Variants in KCNJ14 observed in about 807,000 individuals in gnomAD.
KCNJ14 encodes ATP-sensitive inward rectifier potassium channel 14.
In KCNJ14, 18 loss-of-function variants were observed where a neutral mutation model predicts 24.5. The observed-to-expected ratio is 0.74, with a 90% CI of 0.51 to 1.09. The LOEUF (loss-of-function observed/expected upper bound fraction) is 1.09. Among genes scored for constraint, KCNJ14 ranks in the 50% least tolerant of loss-of-function variants. The pLI, the probability that KCNJ14 is intolerant of heterozygous loss-of-function variation, is 0.00. For missense variants in KCNJ14, 633 were observed against 623.0 expected, an observed-to-expected ratio of 1.02 and a Z score of -0.17; for synonymous variants, 288 against 270.8, an observed-to-expected ratio of 1.06 and a Z score of -0.63.
At chr19:48,456,505 T>C (rs1971540803) in intron 1 of KCNJ14, 1 of 152,254 alleles carries the variant, frequency 6.6e-6, no homozygotes, top group Non-Finnish European at 1.5e-5. Flanking sequence ...ATGGCCAGGC[T>C]GCCTGCGTGG....
At chr19:48,456,304 G>A (rs1971539144) in intron 1 of KCNJ14, 1 of 152,330 alleles carries the variant, frequency 6.6e-6, no homozygotes, top group Non-Finnish European at 1.5e-5. Flanking sequence ...GCATCCTGAT[G>A]TTGACCTCCA....
Position 48,462,162 on chromosome 19 carries a change from G to T in KCNJ14, c.438G>T (p.Thr146=), listed in dbSNP as rs1204242895. 6.3e-7 allele frequency: 1 copy of T among 1,581,934 alleles called. No individual in the cohort carries two copies. Among genetic ancestry groups the T allele is most frequent in the East Asian group, 2.3e-5 (1 of 43,154 alleles). ...TCCTCTTCGCGCTGGAGACGCAGAC[G>T]TCCATCGGCTACGGCGTGCGCAGCG... ...AAFLFALETQ[T]SIGYGVRSVT... is the part of the protein sequence containing the mutation. The change falls in exon 2 of 3, where the codon ACG becomes ACT. Residue 146 remains threonine, a synonymous_variant. Coordinates refer to ENST00000342291, the MANE Select transcript of KCNJ14 (RefSeq NM_013348.4). The surrounding 1 kb of genome is among the most constrained non-coding windows in gnomAD (Gnocchi z 4.9).
chr19:48,461,420 C>T (rs2147493119), intron 1 of KCNJ14: 1 of 271,744 alleles, frequency 3.7e-6, no homozygotes, highest in Non-Finnish European at 6.7e-6. Context: ...CCCAGCTACT[C>T]AGGAGGTTGA....
chr19:48,457,528 G>A (rs1004543649), intron 1 of KCNJ14, among the ~76,000 whole-genome samples: 6 of 152,218 alleles, frequency 3.9e-5, no homozygotes, highest in Non-Finnish European at 8.8e-5. Context: ...GACTCAGAAA[G>A]AGTTGCCAAA....
chr19:48,464,543 G>A lies in KCNJ14; in HGVS notation c.1077G>A (p.Pro359=), dbSNP rs138120407. Reference sequence around the variant, plus strand: ...GCACTTATGAGGTCCCAGGGACACCGGTCTGCAGTGCTAAGGAGCTGGATG... The same window carrying A: ...GCACTTATGAGGTCCCAGGGACACCAGTCTGCAGTGCTAAGGAGCTGGATG... ...FHRTYEVPGT[P]VCSAKELDER... is the part of the protein sequence containing the mutation. The change falls in exon 3 of 3, where the codon CCG becomes CCA. Residue 359 remains proline (P), a synonymous_variant. Transcript: ENST00000342291. 150 of 1,614,010 alleles carry A rather than the reference G, an allele frequency of 9.3e-5. No homozygotes were observed. The highest frequency in any genetic ancestry group is 4.4e-4 in the African/African-American group (33 of 74,896).
Position 48,462,298 on chromosome 19 carries a change from A to C in KCNJ14, c.574A>C (p.Lys192Gln). 1 of 1,548,174 alleles carries C rather than the reference A, an allele frequency of 6.5e-7. No individual in the cohort carries two copies. The highest frequency in any genetic ancestry group is 8.7e-7 in the Non-Finnish European group (1 of 1,144,596). The change falls in exon 2 of 3, where the codon AAG (lysine) becomes CAG (glutamine). Residue 192 changes from lysine to glutamine, a missense_variant. Coordinates refer to ENST00000342291, the MANE Select transcript of KCNJ14 (RefSeq NM_013348.4). This position sits in a 1 kb window ranked among gnomAD's most constrained non-coding sequence, Gnocchi z 4.9. ...TGTCATGGCCAAGATGGCCAAACCC[A>C]AGAAGCGCAACGAGACGCTGGTCTT... ...GAVMAKMAKP[K>Q]KRNETLVFSE...
chr19:48,466,540 C>T lies in KCNJ14; in HGVS notation c.*1763C>T, dbSNP rs1971656208. ...CTTTTCAAGGACCCCAGAAGCTTTG[C>T]TCTAAATCCCAATGCTGCCCCAACT... On this transcript the variant is annotated 3_prime_UTR_variant, in exon 3 of 3. Transcript: ENST00000342291. 6.6e-6 allele frequency: 1 copy of T among 152,166 alleles called. No individual in the cohort carries two copies. The highest frequency in any genetic ancestry group is 2.4e-5 in the African/African-American group (1 of 41,430). The allele number at this position is 152,166 out of a possible 1,614,324, so 9.4% of individuals were successfully genotyped here. A position where few individuals can be genotyped will look rare whatever the true frequency, so the allele number is the denominator to read the frequency against.
intron 1 of KCNJ14, among the ~76,000 whole-genome samples, chr19:48,460,346 C>T (rs1032560341): frequency 5.3e-5 from 8 of 152,154 alleles, no homozygotes; most frequent in African/African-American, 1.2e-4. Flanking sequence ...CAGGTTCAAG[C>T]GATTCTCCTG....
intron 1 of KCNJ14, among the ~76,000 whole-genome samples, chr19:48,459,290 G>C (rs909234160): frequency 6.7e-6 from 1 of 149,828 alleles, no homozygotes; most frequent in African/African-American, 2.5e-5. Flanking sequence ...ATCTTTTCAT[G>C]ATTGAGTTGC....
rs1971631708 is a variant in KCNJ14, at chr19:48,464,260, G to C, written c.794G>C (p.Arg265Pro). Residue 265 changes from arginine to proline, a missense_variant, in exon 3 of 3, where the codon CGT becomes CCT. Transcript: ENST00000342291. Reference sequence around the variant, plus strand: ...GTGGGCTTTGATGGAGGCACCGATCGTATCTTCCTCGTGTCCCCCATCACC... The same window carrying C: ...GTGGGCTTTGATGGAGGCACCGATCCTATCTTCCTCGTGTCCCCCATCACC... ...VDVGFDGGTD[R>P]IFLVSPITIV... The C allele has an allele frequency of 1.2e-6, 2 of 1,614,006 alleles. No individual in the cohort carries two copies. The highest frequency in any genetic ancestry group is 1.7e-6 in the Non-Finnish European group (2 of 1,179,968).
Position 48,462,049 on chromosome 19 carries a change from T to C in KCNJ14, c.325T>C (p.Trp109Arg). ...CTGGCTGCTCTTCGGCCTGGCCTTC[T>C]GGCTCATTGCCTCGCTGCACGGCGA... ...ASWLLFGLAF[W>R]LIASLHGDLA... The change falls in exon 2 of 3, where the codon TGG (tryptophan) becomes CGG (arginine). Residue 109 changes from tryptophan (W) to arginine (R), a missense_variant. Transcript: ENST00000342291. This position sits in a 1 kb window ranked among gnomAD's most constrained non-coding sequence, Gnocchi z 4.9. The C allele has an allele frequency of 1.9e-6, 3 of 1,611,040 alleles. No homozygotes were observed. The highest frequency in any genetic ancestry group is 2.5e-6 in the Non-Finnish European group (3 of 1,179,620).
At position 48,464,722 on chromosome 19, in the gene KCNJ14, GGGCTGCT is replaced by G. The variant is rs754353829; in HGVS notation, c.1257_1263del (p.Ala421ProfsTer10). 2 of 1,611,822 alleles carry G rather than the reference GGGCTGCT, an allele frequency of 1.2e-6. No homozygotes were observed. The highest frequency in any genetic ancestry group is 3.3e-5 in the Admixed American group (2 of 60,018). ...GGGAATGGGGTGGAAACAGAAGATG[GGGCTGCT>G]AGCCCCCGAGTTCTCACACCAACCC... On this transcript the variant is annotated frameshift_variant, in exon 3 of 3. Transcript: ENST00000342291. LOFTEE classifies it high-confidence loss of function.
Position 48,465,536 on chromosome 19 carries a change from T to G in KCNJ14, c.*759T>G, listed in dbSNP as rs1971646674. ...ACTGAAGTGACAGATTAAGAGTTCT[T>G]GATATTAGATAACTCCAACTTCTGG... is the stretch of plus-strand genomic sequence containing the variant. On this transcript the variant is annotated 3_prime_UTR_variant, in exon 3 of 3. Coordinates refer to ENST00000342291, the MANE Select transcript of KCNJ14 (RefSeq NM_013348.4). The G allele has an allele frequency of 6.6e-6, 1 of 152,408 alleles. No homozygotes were observed. The highest frequency in any genetic ancestry group is 1.5e-5 in the Non-Finnish European group (1 of 68,026). 9.4% of individuals were successfully genotyped at this position (152,408 alleles called of 1,614,324 possible).
At position 48,461,785 on chromosome 19, in the gene KCNJ14, GC is replaced by G; in HGVS notation, c.62del (p.Ala21GlyfsTer44). On this transcript the variant is annotated frameshift_variant, in exon 2 of 3. Transcript: ENST00000342291. LOFTEE classifies it high-confidence loss of function. ...CGCCCTGGATTCGGGAGACAGCCGG[GC>G]GGGCGATGAAGAGGAGGCCGGGCCC... ...SGALDSGDSRAGDEEEAGPGL... is the reference protein window; with the variant it reads ...SGALDSGDSRXGDEEEAGPGL... 6.9e-7 allele frequency: 1 copy of G among 1,459,588 alleles called. No individual in the cohort carries two copies. Among genetic ancestry groups the G allele is most frequent in the Non-Finnish European group, 9.0e-7 (1 of 1,108,616 alleles). The allele number at this position is 1,459,588 out of a possible 1,614,324, so 90.4% of individuals were successfully genotyped here. A position where few individuals can be genotyped will look rare whatever the true frequency, so the allele number is the denominator to read the frequency against.
intron 1 of KCNJ14, among the ~76,000 whole-genome samples, chr19:48,459,905 T>G (rs1971576171): frequency 6.6e-6 from 1 of 151,762 alleles, no homozygotes; most frequent in South Asian, 2.1e-4. Flanking sequence ...GGCATGTGCC[T>G]GTAATCCTGG....
chr19:48,461,443 G>C (rs1461099544), intron 1 of KCNJ14: 2 of 303,584 alleles, frequency 6.6e-6, no homozygotes, highest in African/African-American at 2.2e-5. Context: ...CAGGAGAATC[G>C]CTTAAACTTG....
Position 48,462,508 on chromosome 19 carries a change from C to T in KCNJ14, c.714+70C>T. ...ATTGTGGGAGATGTAGGCCCGAGGG[C>T]GAGGGGCGTGCGGTCCTGGAGGGGG... On this transcript the variant is annotated intron_variant, in intron 2 of 2. Transcript: ENST00000342291. This position sits in a 1 kb window ranked among gnomAD's most constrained non-coding sequence, Gnocchi z 4.9. 1 of 1,233,728 alleles carries T rather than the reference C, an allele frequency of 8.1e-7. No individual in the cohort carries two copies. Among genetic ancestry groups the T allele is most frequent in the Non-Finnish European group, 1.1e-6 (1 of 915,520 alleles). The allele number at this position is 1,233,728 out of a possible 1,614,324, so 76.4% of individuals were successfully genotyped here. A position where few individuals can be genotyped will look rare whatever the true frequency, so the allele number is the denominator to read the frequency against.
chr19:48,463,305 C>T lies in KCNJ14; in HGVS notation c.714+867C>T, dbSNP rs560551734. ...GGGTGGTGGGAGCTGCAACTCCCAG[C>T]CGCCTCTGGGGTTCCTCTACTTGGG... is the stretch of plus-strand genomic sequence containing the variant. On this transcript the variant is annotated intron_variant, in intron 2 of 2. Coordinates refer to ENST00000342291, the MANE Select transcript of KCNJ14 (RefSeq NM_013348.4). Among the ~76,000 whole-genome samples, 103 of 152,268 alleles carry T rather than the reference C, an allele frequency of 6.8e-4. 1 individual carries two copies. Among genetic ancestry groups the T allele is most frequent in the Non-Finnish European group, 1.1e-3 (72 of 68,014 alleles).
chr19:48,464,935 C>G lies in KCNJ14; in HGVS notation c.*158C>G. 1 of 629,854 alleles carries G rather than the reference C, an allele frequency of 1.6e-6. No individual in the cohort carries two copies. Among genetic ancestry groups the G allele is most frequent in the Non-Finnish European group, 2.8e-6 (1 of 357,474 alleles). The allele number at this position is 629,854 out of a possible 1,614,324, so 39.0% of individuals were successfully genotyped here. Reference sequence around the variant, plus strand: ...GTAAGGTTCTGCCATGCCTGGTGACCCACCATGGACATACTGGACCTTAAT... The same window carrying G: ...GTAAGGTTCTGCCATGCCTGGTGACGCACCATGGACATACTGGACCTTAAT... On this transcript the variant is annotated 3_prime_UTR_variant, in exon 3 of 3. Coordinates refer to ENST00000342291, the MANE Select transcript of KCNJ14 (RefSeq NM_013348.4).
Sources: allele counts gnomAD v4.1 joint callset (sites outside exome capture counted in the v4.1 genomes callset), GRCh38; gene constraint gnomAD v4.1.1; non-coding constraint Gnocchi (gnomAD v3.1); transcripts MANE v1.5; gene names NCBI Gene and HGNC (gene_info 2026-07-23, HGNC 2026-07-21).